THRB: variants seen among roughly 807,000 people sequenced by gnomAD.
THRB encodes nuclear receptor subfamily 1 group A member 2.
A neutral mutation model predicts 47.8 loss-of-function variants in THRB; 12 were observed. That is an observed-to-expected ratio of 0.25 (90% CI 0.16 to 0.41). THRB has a LOEUF of 0.41. Among genes scored for constraint, THRB ranks in the 10% least tolerant of loss-of-function variants. The pLI, the probability that THRB is intolerant of heterozygous loss-of-function variation, is 1.00. For missense variants in THRB, 348 were observed against 589.2 expected, an observed-to-expected ratio of 0.59 and a Z score of 4.24; for synonymous variants, 218 against 212.2, an observed-to-expected ratio of 1.03 and a Z score of -0.24.
chr3:24,152,891 G>A (rs563104178), intron 5 of THRB, among the ~76,000 whole-genome samples: 1 of 151,752 alleles, frequency 6.6e-6, no homozygotes, highest in South Asian at 2.1e-4. Flanking sequence ...GAACCCAGGA[G>A]GCAGAGGTTG....
intron 3 of THRB, among the ~76,000 whole-genome samples, chr3:24,237,663 T>C (rs947170496): frequency 2.6e-5 from 4 of 152,028 alleles, no homozygotes; most frequent in Admixed American, 2.0e-4. Context: ...ATTCCTAAAA[T>C]GGGAATAAGG....
At chr3:24,423,271 A>C (rs974665104) in intron 1 of THRB, among the ~76,000 whole-genome samples, 1 of 151,840 alleles carries the variant, frequency 6.6e-6, no homozygotes, top group South Asian at 2.1e-4. Context: ...GAAGCCACTA[A>C]GTTTTGGGAT....
chr3:24,412,588 AG>A (rs2068400621), intron 1 of THRB, among the ~76,000 whole-genome samples: 1 of 151,862 alleles, frequency 6.6e-6, no homozygotes, highest in South Asian at 2.1e-4. Context: ...AAATATAGGA[AG>A]ATTTTCTCAT....
intron 1 of THRB, among the ~76,000 whole-genome samples, chr3:24,406,788 C>T (rs185356133): frequency 6.6e-6 from 1 of 151,940 alleles, no homozygotes; most frequent in East Asian, 1.9e-4. Flanking sequence ...AGAGACATCA[C>T]AATCATGCAG....
intron 4 of THRB, among the ~76,000 whole-genome samples, chr3:24,197,280 G>C (rs2044062076): frequency 6.6e-6 from 1 of 152,240 alleles, no homozygotes; most frequent in Non-Finnish European, 1.5e-5. Flanking sequence ...TCTCCCAGAA[G>C]TGCTGGTGAA....
At chr3:24,414,018 C>T (rs2068544906) in intron 1 of THRB, among the ~76,000 whole-genome samples, 1 of 151,734 alleles carries the variant, frequency 6.6e-6, no homozygotes, top group South Asian at 2.1e-4. Flanking sequence ...AAAATTGGAC[C>T]TCCATAGTAT....
intron 8 of THRB, among the ~76,000 whole-genome samples, chr3:24,139,358 TTTTC>T (rs373440617): frequency 4.4e-4 from 66 of 151,480 alleles, no homozygotes; most frequent in African/African-American, 1.4e-3. Flanking sequence ...CTCTGTTTCT[TTTTC>T]TTTCTTTCTT....
intron 1 of THRB, among the ~76,000 whole-genome samples, chr3:24,358,924 C>A (rs1158344385): frequency 6.6e-6 from 1 of 152,112 alleles, no homozygotes; most frequent in Non-Finnish European, 1.5e-5. Flanking sequence ...GTTCTTTATG[C>A]TCTCACGACT....
chr3:24,162,003 C>T (rs1230255619), intron 5 of THRB, among the ~76,000 whole-genome samples: 2 of 152,008 alleles, frequency 1.3e-5, no homozygotes, highest in Non-Finnish European at 2.9e-5. Flanking sequence ...AGGGCAGACT[C>T]CTAGGAAGGT....
intron 3 of THRB, among the ~76,000 whole-genome samples, chr3:24,242,468 T>C (rs2049641268): frequency 6.6e-6 from 1 of 152,162 alleles, no homozygotes; most frequent in South Asian, 2.1e-4. Context: ...AGCTCAGATA[T>C]GCAACTGAAG....
At chr3:24,324,430 A>C (rs959469371) in intron 2 of THRB, among the ~76,000 whole-genome samples, 3 of 152,080 alleles carry the variant, frequency 2.0e-5, no homozygotes, top group Non-Finnish European at 4.4e-5. Flanking sequence ...ACACTGACCA[A>C]GGCATTTTTT....
At chr3:24,249,978 C>T in intron 3 of THRB, among the ~76,000 whole-genome samples, 1 of 152,178 alleles carries the variant, frequency 6.6e-6, no homozygotes, top group East Asian at 1.9e-4. Flanking sequence ...GCAGAAACTG[C>T]AGTTACTTTT....
In THRB at chr3:24,240,959, C is replaced by T. The variant is rs913861317; in HGVS notation, c.-42-11958G>A. 1.7e-4 allele frequency among the ~76,000 whole-genome samples: 26 copies of T among 152,172 alleles called. 1 individual carries two copies. The highest frequency in any genetic ancestry group is 6.3e-4 in the African/African-American group (26 of 41,438). ...TCCATCCTGACCAGCACACGGTCAG[C>T]CTTCTCTAGAATATTTCCAGTGAAC... On this transcript the variant is annotated intron_variant, in intron 3 of 10. Transcript: ENST00000646209.
intron 1 of THRB, among the ~76,000 whole-genome samples, chr3:24,447,817 G>A (rs1261113164): frequency 6.6e-6 from 1 of 151,906 alleles, no homozygotes; most frequent in Non-Finnish European, 1.5e-5. Context: ...GGGAATGAAG[G>A]TTTCATAATT....
intron 1 of THRB, among the ~76,000 whole-genome samples, chr3:24,398,518 C>T (rs1035775132): frequency 2.6e-4 from 40 of 152,106 alleles, no homozygotes; most frequent in Middle Eastern, 6.3e-3. Context: ...CAAATCAAAA[C>T]CACAATGAGA....
chr3:24,208,434 C>T (rs1382373263), intron 4 of THRB, among the ~76,000 whole-genome samples: 3 of 152,202 alleles, frequency 2.0e-5, no homozygotes, highest in African/African-American at 7.2e-5. Flanking sequence ...CATCACGCTA[C>T]CTGGCTTCAA....
At chr3:24,433,686 G>T (rs1159976956) in intron 1 of THRB, among the ~76,000 whole-genome samples, 5 of 152,238 alleles carry the variant, frequency 3.3e-5, no homozygotes, top group Admixed American at 2.0e-4. Flanking sequence ...GTTTTGTGGG[G>T]ATCAAATGAA....
At chr3:24,375,386 ATATAT>A (rs1245411174) in intron 1 of THRB, among the ~76,000 whole-genome samples, 2 of 137,812 alleles carry the variant, frequency 1.5e-5, no homozygotes, top group Non-Finnish European at 3.2e-5. Context: ...TATAATATTA[ATATAT>A]TATAGTTAGA....
chr3:24,432,060 A>G (rs913806545), intron 1 of THRB, among the ~76,000 whole-genome samples: 1 of 152,190 alleles, frequency 6.6e-6, no homozygotes, highest in African/African-American at 2.4e-5. Context: ...GAGGAATACT[A>G]CATATTTAAT....
Sources: allele counts gnomAD v4.1 joint callset (sites outside exome capture counted in the v4.1 genomes callset), GRCh38; gene constraint gnomAD v4.1.1; transcripts MANE v1.5; gene names NCBI Gene and HGNC (gene_info 2026-07-23, HGNC 2026-07-21).